EIF5A: variants seen among roughly 807,000 people sequenced by gnomAD.
EIF5A encodes the protein eukaryotic translation initiation factor 5A.
In EIF5A, 1 loss-of-function variant was observed where a neutral mutation model predicts 16.6. That is an observed-to-expected ratio of 0.06 (90% CI 0.02 to 0.28). The LOEUF (loss-of-function observed/expected upper bound fraction) is 0.28. Among genes scored for constraint, EIF5A ranks in the 10% least tolerant of loss-of-function variants. EIF5A has a pLI of 1.00. For synonymous variants in EIF5A, 80 were observed against 73.6 expected, an observed-to-expected ratio of 1.09 and a Z score of -0.44; for missense variants, 29 against 196.1, an observed-to-expected ratio of 0.15 and a Z score of 5.09.
intron 1 of EIF5A, chr17:7,308,073 A>G: frequency 2.0e-6 from 2 of 987,018 alleles, no homozygotes; most frequent in Non-Finnish European, 2.4e-6. Context: ...GGGCAAGGGT[A>G]CCTGGGCCGT....
At chr17:7,309,938 T>C in intron 2 of EIF5A, 138 bp downstream of exon 2, 1 of 1,561,574 alleles carries the variant, frequency 6.4e-7, no homozygotes. Context: ...GCGCTCAGCC[T>C]TCATACCCAT....
At chr17:7,308,123 G>A (rs2072683235) in intron 1 of EIF5A, 1 of 999,928 alleles carries the variant, frequency 1.0e-6, no homozygotes. Context: ...GGTGGGGGAG[G>A]GGGCTATTCG....
rs376145778 is a variant in EIF5A at position 7,309,708 on chromosome 17, T to C, written c.73T>C (p.Leu25=). 6.2e-7 allele frequency: 1 copy of C among 1,614,060 alleles called. No individual in the cohort carries two copies. The highest frequency in any genetic ancestry group is 8.5e-7 in the Non-Finnish European group (1 of 1,180,038). ...CACCTTCCCAATGCAGTGCTCAGCA[T>C]TACGTAAGAATGGCTTTGTGGTGCT... is the stretch of plus-strand genomic sequence containing the variant. The part of the protein sequence containing the change: ...SATFPMQCSA[L]RKNGFVVLKG... Residue 25 remains leucine, a synonymous_variant, in exon 2 of 6, where the codon TTA becomes CTA. Transcript: ENST00000336458.
In EIF5A at chr17:7,311,439, C is replaced by A; in HGVS notation, c.360C>A (p.Gly120=). 2 of 1,614,092 alleles carry A rather than the reference C, an allele frequency of 1.2e-6. No individual in the cohort carries two copies. The highest frequency in any genetic ancestry group is 1.7e-6 in the Non-Finnish European group (2 of 1,180,020). The change falls in exon 4 of 6, where the codon GGC becomes GGA. Residue 120 remains glycine (G), a synonymous_variant. Transcript: ENST00000336458. ...EDLRLPEGDL[G]KEIEQKYDCG... is the part of the protein sequence containing the mutation. Reference sequence around the variant, plus strand: ...TTCGTCTCCCTGAGGGAGACCTTGGCAAGGAGATTGAGCAGAAGTACGACT... The same window carrying A: ...TTCGTCTCCCTGAGGGAGACCTTGGAAAGGAGATTGAGCAGAAGTACGACT...
chr17:7,308,411 C>T (rs1354387113), intron 1 of EIF5A: 12 of 1,276,390 alleles, frequency 9.4e-6, no homozygotes, highest in Non-Finnish European at 1.0e-5. Flanking sequence ...CTAGTCCTCG[C>T]GGGGGTTCCG....
At chr17:7,310,496 T>C in intron 2 of EIF5A, 1 of 1,171,860 alleles carries the variant, frequency 8.5e-7, no homozygotes, top group Non-Finnish European at 1.1e-6. Flanking sequence ...TGACTTGACA[T>C]TGATCTTGGA....
upstream of EIF5A, chr17:7,307,134 G>A: frequency 6.3e-7 from 1 of 1,581,158 alleles, no homozygotes; most frequent in Non-Finnish European, 8.6e-7. Context: ...TTTAAGTCCA[G>A]TTAAAGCCGA....
intron 1 of EIF5A, chr17:7,308,166 G>T: frequency 2.2e-6 from 1 of 445,192 alleles, no homozygotes; most frequent in Middle Eastern, 1.1e-3. Context: ...GTTGGCGGAC[G>T]GCCGGGGGGA....
intron 1 of EIF5A, chr17:7,308,722 C>G (rs1597615885): frequency 3.5e-6 from 2 of 572,416 alleles, no homozygotes; most frequent in Non-Finnish European, 2.7e-6. Flanking sequence ...CGTTCTTCAC[C>G]TTGTCACTGT....
At chr17:7,311,548 A>G (rs750475659) in intron 4 of EIF5A, 30 bp from the exon 5 acceptor site, 5 of 1,613,966 alleles carry the variant, frequency 3.1e-6, no homozygotes, top group East Asian at 4.5e-5. Flanking sequence ...GAGCTCAGAC[A>G]TCTCTTGGCT....
At chr17:7,307,451 T>G, upstream of EIF5A, 1 of 1,083,890 alleles carries the variant, frequency 9.2e-7, no homozygotes, top group Non-Finnish European at 1.1e-6. Flanking sequence ...CGCTCAGGGT[T>G]TGTGAGGGGC....
chr17:7,307,632 T>C lies in EIF5A; in HGVS notation c.-142T>C. On this transcript the variant is annotated 5_prime_UTR_variant, in exon 1 of 6. Transcript: ENST00000336458. Reference sequence around the variant, plus strand: ...CAGTGGGGAGTCGGCGCCTGCGTACTAAGACCCGTGTGCAGCAGCGGCGGC... The same window carrying C: ...CAGTGGGGAGTCGGCGCCTGCGTACCAAGACCCGTGTGCAGCAGCGGCGGC... 1 of 1,037,178 alleles carries C rather than the reference T, an allele frequency of 9.6e-7. No individual in the cohort carries two copies. Among genetic ancestry groups the C allele is most frequent in the Non-Finnish European group, 1.2e-6 (1 of 863,206 alleles). The allele number at this position is 1,037,178 out of a possible 1,614,324, so 64.2% of individuals were successfully genotyped here.
chr17:7,311,316 A>G (rs1357620930), intron 3 of EIF5A, 34 bp from the exon 4 acceptor site: 1 of 1,613,658 alleles, frequency 6.2e-7, no homozygotes, highest in Admixed American at 1.7e-5. Flanking sequence ...CCCTGGGCCT[A>G]CTACCTTCAG....
intron 1 of EIF5A, 69 bp from the exon 2 acceptor site, chr17:7,309,546 G>T (rs1205519009): frequency 7.6e-6 from 12 of 1,587,052 alleles, no homozygotes; most frequent in South Asian, 1.1e-5. Context: ...TTTCTGGAGA[G>T]AAATGGGATA....
chr17:7,307,596 G>A, upstream of EIF5A: 1 of 1,017,148 alleles, frequency 9.8e-7, no homozygotes, highest in South Asian at 3.3e-5. Flanking sequence ...TCATAGGGCT[G>A]CTTGGTTGGT....
rs1330034655 is a variant in EIF5A at position 7,312,350 on chromosome 17, C to T, written c.*540C>T. ...GGAGGGGACCTGCCCCCTCCTCAGGCATCTGGGAGGGCCCTGCCCCCATGG... is the reference window on the plus strand; with the variant it reads ...GGAGGGGACCTGCCCCCTCCTCAGGTATCTGGGAGGGCCCTGCCCCCATGG... On this transcript the variant is annotated 3_prime_UTR_variant, in exon 6 of 6. Coordinates refer to ENST00000336458, the MANE Select transcript of EIF5A (RefSeq NM_001970.5). 5.1e-6 allele frequency: 1 copy of T among 197,482 alleles called. No individual in the cohort carries two copies. Among genetic ancestry groups the T allele is most frequent in the Non-Finnish European group, 1.2e-5 (1 of 85,720 alleles). 12.2% of individuals were successfully genotyped at this position (197,482 alleles called of 1,614,324 possible). A position where few individuals can be genotyped will look rare whatever the true frequency, so the allele number is the denominator to read the frequency against.
At position 7,310,495 on chromosome 17, in the gene EIF5A, A is replaced by G. The variant is rs555696084; in HGVS notation, c.166-523A>G. 2.4e-5 allele frequency: 28 copies of G among 1,171,000 alleles called. No individual in the cohort carries two copies. In the South Asian group the frequency reaches 4.4e-4, roughly 18 times the overall value. 72.5% of individuals were successfully genotyped at this position (1,171,000 alleles called of 1,614,324 possible). A position where few individuals can be genotyped will look rare whatever the true frequency, so the allele number is the denominator to read the frequency against. On this transcript the variant is annotated intron_variant, in intron 2 of 5. Transcript: ENST00000336458. ...CAGTTTTTCCATCTTTTGACTTGAC[A>G]TTGATCTTGGATTATTCTCTAGTGT...
intron 2 of EIF5A, 74 bp from the exon 3 acceptor site, chr17:7,310,944 C>T: frequency 2.0e-6 from 3 of 1,521,954 alleles, no homozygotes; most frequent in Non-Finnish European, 2.7e-6. Flanking sequence ...CCTCATCAGG[C>T]AAGGTCAATT....
intron 1 of EIF5A, chr17:7,308,480 G>T (rs910626101): frequency 7.4e-7 from 1 of 1,349,158 alleles, no homozygotes; most frequent in Non-Finnish European, 9.8e-7. Context: ...TCACCCCGGA[G>T]GGCCTGCTGC....
Sources: gnomAD v4.1 joint callset for allele counts on GRCh38, gnomAD v4.1.1 for gene constraint, MANE v1.5 for transcripts, NCBI Gene and HGNC (gene_info 2026-07-23, HGNC 2026-07-21) for gene names.